Variants in JAK2 observed in about 807,000 individuals in gnomAD.
The protein encoded by JAK2 is tyrosine-protein kinase JAK2.
Under a neutral mutation model 139.3 loss-of-function variants are expected in JAK2, and 86 were observed. That is an observed-to-expected ratio of 0.62 (90% confidence interval 0.52 to 0.74). JAK2 has a LOEUF of 0.74. Ranked by LOEUF, JAK2 falls within the 30% of genes least tolerant of loss-of-function variation. JAK2 has a pLI of 0.00. For synonymous variants in JAK2, 490 were observed against 437.7 expected, an observed-to-expected ratio of 1.12 and a Z score of -1.49; for missense variants, 1,421 against 1,360.3, an observed-to-expected ratio of 1.04 and a Z score of -0.70.
intron 9 of JAK2, among the ~76,000 whole-genome samples, 188 bp downstream of exon 9, chr9:5,065,228 TC>T (rs1317831320): frequency 1.3e-5 from 2 of 152,344 alleles, no homozygotes; most frequent in South Asian, 2.1e-4. Flanking sequence ...ACCATCTGTA[TC>T]CCAATCTATA....
chr9:5,058,024 C>A (rs1244629267), intron 8 of JAK2, among the ~76,000 whole-genome samples: 1 of 152,130 alleles, frequency 6.6e-6, no homozygotes, highest in Non-Finnish European at 1.5e-5. Flanking sequence ...GTATCAATTT[C>A]CTTCATTTTT....
rs577992427 is a variant in JAK2, at chr9:5,109,137, T to C, written c.3060-13867T>C. On this transcript the variant is annotated intron_variant, in intron 22 of 24. Coordinates refer to ENST00000381652, the MANE Select transcript of JAK2 (RefSeq NM_004972.4). ...TAATATACTAATTACAACCCTCTAC[T>C]CCCTACATGTACCAATCACAACACA... is the stretch of plus-strand genomic sequence containing the variant. 5 of 152,228 alleles carry C rather than the reference T, an allele frequency of 3.3e-5. No homozygotes were observed. In the East Asian group the frequency reaches 9.7e-4, roughly 29 times the overall value. 9.4% of individuals were successfully genotyped at this position (152,228 alleles called of 1,614,324 possible).
At chr9:5,120,027 A>G (rs1224316914) in intron 22 of JAK2, among the ~76,000 whole-genome samples, 1 of 152,234 alleles carries the variant, frequency 6.6e-6, no homozygotes, top group Admixed American at 6.5e-5. Flanking sequence ...CTGAAAATGG[A>G]TAATTTATAA....
rs550254005 is a variant in JAK2, at chr9:5,033,752, G to T, written c.350+3846G>T. Reference sequence around the variant, plus strand: ...GCTCCTGAAGGAAGCACTAAACATAGAAAGGAACAACTGGTACCAGCCACT... The same window carrying T: ...GCTCCTGAAGGAAGCACTAAACATATAAAGGAACAACTGGTACCAGCCACT... On this transcript the variant is annotated intron_variant, in intron 4 of 24. Transcript: ENST00000381652. Among the ~76,000 whole-genome samples the T allele has an allele frequency of 6.6e-5, 10 of 152,298 alleles. No individual in the cohort carries two copies. The East Asian group carries it at 1.9e-3, about 29-fold the overall frequency.
chr9:5,031,220 A>G (rs1823123830), intron 4 of JAK2, among the ~76,000 whole-genome samples: 1 of 152,234 alleles, frequency 6.6e-6, no homozygotes, highest in Admixed American at 6.5e-5. Context: ...TTACTATGTA[A>G]ATTGAGAATT....
intron 2 of JAK2, among the ~76,000 whole-genome samples, chr9:4,988,869 C>T (rs1012101806): frequency 2.8e-4 from 42 of 152,306 alleles, no homozygotes; most frequent in African/African-American, 9.4e-4. Context: ...CATCTTTAAA[C>T]TACTTCTTTC....
At chr9:5,090,674 G>T in intron 21 of JAK2, 65 bp from the exon 22 acceptor site, 1 of 1,536,384 alleles carries the variant, frequency 6.5e-7, no homozygotes, top group Non-Finnish European at 8.8e-7. Flanking sequence ...GAATATATAG[G>T]GTTAAGACCA....
chr9:4,984,872 G>A (rs1354874149), upstream of JAK2: 1 of 152,294 alleles, frequency 6.6e-6, no homozygotes, highest in African/African-American at 2.4e-5. Context: ...CCGGGCACCA[G>A]CGTTTCGCGA....
At chr9:5,078,248 T>G in intron 15 of JAK2, 58 bp from the exon 16 acceptor site, 1 of 1,430,264 alleles carries the variant, frequency 7.0e-7, no homozygotes, top group South Asian at 1.3e-5. Context: ...TTGAACATAC[T>G]AAATGCTCCA....
At position 5,128,267 on chromosome 9, in the gene JAK2, T is replaced by A. The variant is rs1824135027; in HGVS notation, c.*1476T>A. The A allele has an allele frequency of 4.4e-6, 1 of 229,244 alleles. No homozygotes were observed. Among genetic ancestry groups the A allele is most frequent in the South Asian group, 1.8e-4 (1 of 5,504 alleles). The allele number at this position is 229,244 out of a possible 1,614,324, so 14.2% of individuals were successfully genotyped here. ...TGAAGGGAAGGAAAAGGAAGAAATG[T>A]TTTTTACATTCATTATTATACTTAA... On this transcript the variant is annotated 3_prime_UTR_variant, in exon 25 of 25. Transcript: ENST00000381652.
chr9:5,079,063 G>A (rs1438573320), intron 16 of JAK2, among the ~76,000 whole-genome samples: 2 of 152,098 alleles, frequency 1.3e-5, no homozygotes, highest in African/African-American at 4.8e-5. Flanking sequence ...CAATTTTTGT[G>A]CACTGATGTG....
intron 19 of JAK2, among the ~76,000 whole-genome samples, chr9:5,082,598 T>C (rs1209812027): frequency 6.6e-6 from 1 of 152,248 alleles, no homozygotes; most frequent in East Asian, 1.9e-4. Context: ...GATGTTGGGC[T>C]GGGGGACGGT....
intron 2 of JAK2, among the ~76,000 whole-genome samples, chr9:4,992,776 T>C (rs28450816): frequency 3.1e-3 from 469 of 152,336 alleles, no homozygotes; most frequent in African/African-American, 0.011. Context: ...ACAGGTTATC[T>C]GCAGTAGACA....
Position 5,029,917 on chromosome 9 carries a change from CA to C in JAK2, c.350+12del. The C allele has an allele frequency of 6.4e-7, 1 of 1,569,840 alleles. No individual in the cohort carries two copies. The highest frequency in any genetic ancestry group is 8.6e-7 in the Non-Finnish European group (1 of 1,164,110). On this transcript the variant is annotated intron_variant, in intron 4 of 24. Transcript: ENST00000381652. ...ACTCTACAGAATAAGGTACTTTCTT[CA>C]GTAAAGTAACTCACTTAATGCTAAA...
At chr9:5,082,462 T>C (rs964509831) in intron 19 of JAK2, among the ~76,000 whole-genome samples, 1 of 152,256 alleles carries the variant, frequency 6.6e-6, no homozygotes, top group Non-Finnish European at 1.5e-5. Context: ...AGGGCAGTTT[T>C]TCTCCTATCT....
chr9:5,043,033 T>G (rs1816726595), intron 4 of JAK2, among the ~76,000 whole-genome samples: 1 of 152,174 alleles, frequency 6.6e-6, no homozygotes, highest in South Asian at 2.1e-4. Flanking sequence ...TGGGCCCTGC[T>G]GTGTGGAGGC....
intron 22 of JAK2, chr9:5,112,039 C>A: frequency 2.4e-6 from 1 of 408,520 alleles, no homozygotes. Context: ...GGTGCCTTAT[C>A]ACCCAGCTAC....
intron 4 of JAK2, chr9:5,041,421 T>A (rs942091382): frequency 1.6e-6 from 1 of 628,078 alleles, no homozygotes; most frequent in Middle Eastern, 3.1e-4. Context: ...CTGGGCCACA[T>A]GTTCATGTAC....
At chr9:5,085,761 T>C in intron 19 of JAK2, 2 of 754,596 alleles carry the variant, frequency 2.7e-6, no homozygotes, top group Non-Finnish European at 2.5e-6. Flanking sequence ...AGCTTGCACA[T>C]GTCGGGAGTT....
Sources: allele counts gnomAD v4.1 joint callset (sites outside exome capture counted in the v4.1 genomes callset), GRCh38; gene constraint gnomAD v4.1.1; transcripts MANE v1.5; gene names NCBI Gene and HGNC (gene_info 2026-07-23, HGNC 2026-07-21).